The following DRAM1 variants were observed in gnomAD, a reference collection of about 807,000 sequenced individuals.
DRAM1 encodes DNA damage regulated autophagy modulator 1, also known as DNA damage-regulated autophagy modulator protein 1.
In DRAM1, 25 loss-of-function variants were observed where a neutral mutation model predicts 28.5. The ratio of observed to expected loss-of-function variants is 0.88; its 90% CI spans 0.64 to 1.23. DRAM1 has a LOEUF of 1.23. Ranked by LOEUF, DRAM1 falls within the 50% of genes most tolerant of loss-of-function variation. The pLI is 0.00. For missense variants in DRAM1, 249 were observed against 299.2 expected, an observed-to-expected ratio of 0.83 and a Z score of 1.24; for synonymous variants, 113 against 114.2, an observed-to-expected ratio of 0.99 and a Z score of 0.07.
chr12:101,920,225 T>A, intron 6 of DRAM1, 24 bp downstream of exon 6: 1 of 1,532,534 alleles, frequency 6.5e-7, no homozygotes, highest in Non-Finnish European at 8.9e-7. Context: ...AATTCAAATG[T>A]TTTAAATTGC....
chr12:101,887,719 G>C (rs1336170976), intron 1 of DRAM1, among the ~76,000 whole-genome samples: 3 of 151,820 alleles, frequency 2.0e-5, no homozygotes, highest in Admixed American at 2.0e-4. Context: ...TGTTTTTTTA[G>C]TAGAGACGGG....
At position 101,886,623 on chromosome 12, in the gene DRAM1, C is replaced by T. The variant is rs191060874; in HGVS notation, c.131+8703C>T. 4.3e-3 allele frequency among the ~76,000 whole-genome samples: 648 copies of T among 152,314 alleles called. 5 individuals are homozygous for T. Among genetic ancestry groups the T allele is most frequent in the African/African-American group, 0.014 (571 of 41,562 alleles). ...TGATGAATTTGTTCTTTGAAAAATG[C>T]ACTGACTGAAGCCAATGGCCTCTGA... On this transcript the variant is annotated intron_variant, in intron 1 of 6. Coordinates refer to ENST00000258534, the MANE Select transcript of DRAM1 (RefSeq NM_018370.3).
At chr12:101,880,196 G>A (rs1872644945) in intron 1 of DRAM1, among the ~76,000 whole-genome samples, 1 of 151,512 alleles carries the variant, frequency 6.6e-6, no homozygotes, top group Middle Eastern at 3.4e-3. Context: ...CTGTAGATAG[G>A]CATGCACAAC....
At chr12:101,914,470 TTTCTTC>T (rs1273018325) in intron 5 of DRAM1, among the ~76,000 whole-genome samples, 1 of 149,006 alleles carries the variant, frequency 6.7e-6, no homozygotes, top group East Asian at 2.0e-4. Context: ...AATTTCTTTC[TTTCTTC>T]TTCTTCTTCT....
At position 101,908,173 on chromosome 12, in the gene DRAM1, A is replaced by T. The variant is rs763989214; in HGVS notation, c.343-13A>T. 6.3e-7 allele frequency: 1 copy of T among 1,598,940 alleles called. No individual in the cohort carries two copies. Among genetic ancestry groups the T allele is most frequent in the Admixed American group, 1.7e-5 (1 of 57,152 alleles). On this transcript the variant is annotated splice_polypyrimidine_tract_variant and intron_variant, in intron 3 of 6. Coordinates refer to ENST00000258534, the MANE Select transcript of DRAM1 (RefSeq NM_018370.3). ...CCACCCAGAGTAACACACATTTATG[A>T]CTTTTTCTCCAGGAGTTAGCTGTGC...
intron 3 of DRAM1, among the ~76,000 whole-genome samples, chr12:101,903,368 C>A (rs917875592): frequency 1.3e-5 from 2 of 152,168 alleles, no homozygotes; most frequent in African/African-American, 4.8e-5. Context: ...TTTTGAAATT[C>A]TGTCATTTGT....
intron 1 of DRAM1, among the ~76,000 whole-genome samples, chr12:101,883,034 T>G (rs1300413611): frequency 6.6e-6 from 1 of 151,088 alleles, no homozygotes; most frequent in Non-Finnish European, 1.5e-5. Context: ...TCTCTGTACC[T>G]AGCAGATTTT....
At chr12:101,898,753 C>A (rs1873484015) in intron 2 of DRAM1, among the ~76,000 whole-genome samples, 1 of 152,252 alleles carries the variant, frequency 6.6e-6, no homozygotes, top group Non-Finnish European at 1.5e-5. Flanking sequence ...AGTTTGAGGA[C>A]CATTGACAAA....
chr12:101,887,120 G>A (rs1872911631), intron 1 of DRAM1, among the ~76,000 whole-genome samples: 1 of 142,616 alleles, frequency 7.0e-6, no homozygotes, highest in African/African-American at 2.7e-5. Context: ...ACTCCAGCCT[G>A]GGCGACAAGA....
intron 5 of DRAM1, among the ~76,000 whole-genome samples, chr12:101,919,616 G>C (rs1321205734): frequency 1.3e-5 from 2 of 152,180 alleles, no homozygotes; most frequent in Non-Finnish European, 2.9e-5. Flanking sequence ...TTTCCTGAAT[G>C]ATCATTTCTA....
At chr12:101,889,060 C>G (rs1164290833) in intron 1 of DRAM1, among the ~76,000 whole-genome samples, 2 of 152,100 alleles carry the variant, frequency 1.3e-5, no homozygotes, top group Non-Finnish European at 2.9e-5. Flanking sequence ...ACCTCAGCCT[C>G]ACATAATGCT....
chr12:101,886,314 T>C (rs980954725), intron 1 of DRAM1, among the ~76,000 whole-genome samples: 1 of 152,212 alleles, frequency 6.6e-6, no homozygotes, highest in Non-Finnish European at 1.5e-5. Flanking sequence ...CTGTAGAACT[T>C]TGGACAGGTT....
chr12:101,896,181 C>T (rs891909142), intron 1 of DRAM1, among the ~76,000 whole-genome samples: 3 of 152,208 alleles, frequency 2.0e-5, no homozygotes, highest in African/African-American at 7.2e-5. Flanking sequence ...GGCCACTGTG[C>T]CCGGCCCTAT....
At chr12:101,897,524 T>TTTTTTG (rs1555282369) in intron 1 of DRAM1, among the ~76,000 whole-genome samples, 12 of 112,974 alleles carry the variant, frequency 1.1e-4, no homozygotes, top group Non-Finnish European at 3.7e-5. Flanking sequence ...TAGATCTTTT[T>TTTTTTG]TTTTTGTTTT....
chr12:101,895,186 G>GTTTTTTTTTTGTTTGTTTTTTTTT (rs1873300674), intron 1 of DRAM1, among the ~76,000 whole-genome samples: 1 of 75,720 alleles, frequency 1.3e-5, no homozygotes, highest in Non-Finnish European at 2.3e-5. Context: ...AACCCTTCAG[G>GTTTTTTTTTTGTTTGTTTTTTTTT]TTTTTTTTTT....
chr12:101,904,886 T>G (rs545821935), intron 3 of DRAM1, among the ~76,000 whole-genome samples: 1 of 152,278 alleles, frequency 6.6e-6, no homozygotes, highest in Admixed American at 6.5e-5. Context: ...CTAAACATCA[T>G]TTCCCTGCTT....
Position 101,897,910 on chromosome 12 carries a change from T to C in DRAM1, c.179T>C (p.Ile60Thr), listed in dbSNP as rs1873446988. 1 of 1,604,860 alleles carries C rather than the reference T, an allele frequency of 6.2e-7. No individual in the cohort carries two copies. Among genetic ancestry groups the C allele is most frequent in the Non-Finnish European group, 8.5e-7 (1 of 1,172,204 alleles). ...PPESGIFGFM[I>T]NFSAFLGAAT... The stretch of plus-strand genomic sequence containing the variant: ...GAGAGTGGTATTTTTGGATTTATGA[T>C]AAACTTCTCTGCATTTCTTGGTAAG... Residue 60 changes from isoleucine (I) to threonine (T), a missense_variant, in exon 2 of 7, where the codon ATA becomes ACA. Physicochemically the swap from Ile to Thr is moderately conservative, Grantham distance 89. This residue lies in a region of DRAM1 where 218 missense variants were observed against 243.1 expected (regional missense o/e 0.90). Transcript: ENST00000258534.
chr12:101,921,128 A>T, intron 6 of DRAM1, 88 bp from the exon 7 acceptor site: 1 of 926,408 alleles, frequency 1.1e-6, no homozygotes, highest in South Asian at 1.3e-5. Context: ...ATCATTCCTT[A>T]GGTGGTGCAG....
chr12:101,915,138 C>A (rs1874189137), intron 5 of DRAM1, among the ~76,000 whole-genome samples: 1 of 151,996 alleles, frequency 6.6e-6, no homozygotes, highest in South Asian at 2.1e-4. Context: ...TGCCACCACC[C>A]CCGGCTACTT....
Sources: allele counts gnomAD v4.1 joint callset (sites outside exome capture counted in the v4.1 genomes callset), GRCh38; gene constraint gnomAD v4.1.1; regional missense constraint gnomAD v4.1.1; transcripts MANE v1.5; gene names NCBI Gene and HGNC (gene_info 2026-07-23, HGNC 2026-07-21).